GREB1: variants seen among roughly 807,000 people sequenced by gnomAD.
The protein encoded by GREB1 is growth regulating estrogen receptor binding 1, also known as protein GREB1.
GREB1 carries 106 observed loss-of-function variants against 200.7 expected under a neutral mutation model. That is an observed-to-expected ratio of 0.53 (90% CI 0.45 to 0.62). The LOEUF (loss-of-function observed/expected upper bound fraction) is 0.62, where lower values mean the gene tolerates loss of function less well. Ranked by LOEUF, GREB1 falls within the 20% of genes least tolerant of loss-of-function variation. The pLI is 0.00. For synonymous variants in GREB1, 1,132 were observed against 1,092.4 expected (o/e 1.04, Z -0.72); for missense variants, 2,243 against 2,556.8 (o/e 0.88, Z 2.65).
intron 7 of GREB1, chr2:11,581,347 C>T (rs1051219237): frequency 1.7e-5 from 5 of 301,312 alleles, no homozygotes; most frequent in Non-Finnish European, 3.1e-5. Flanking sequence ...GCTCACTAAT[C>T]GGTACCGGCT....
chr2:11,561,361 A>AAT (rs1553355671), intron 2 of GREB1: 18,329 of 110,568 alleles, frequency 0.17, 2,360 homozygotes, highest in African/African-American at 0.42. Context: ...CCTTGGGGAT[A>AAT]TTTTTTTTTT....
Position 11,629,864 on chromosome 2 carries a change from T to C in GREB1, c.4450-84T>C, listed in dbSNP as rs1377487101. 9 of 1,358,698 alleles carry C rather than the reference T, an allele frequency of 6.6e-6. No individual in the cohort carries two copies. The highest frequency in any genetic ancestry group is 9.3e-6 in the Non-Finnish European group (9 of 967,204). The allele number at this position is 1,358,698 out of a possible 1,614,324, so 84.2% of individuals were successfully genotyped here. A position where few individuals can be genotyped will look rare whatever the true frequency, so the allele number is the denominator to read the frequency against. Reference sequence around the variant, plus strand: ...GGAAGTGGTGACTGTGAGCTGCACGTTGTCACAGCAGAGTGGGCCTGGGGT... The same window carrying C: ...GGAAGTGGTGACTGTGAGCTGCACGCTGTCACAGCAGAGTGGGCCTGGGGT... On this transcript the variant is annotated intron_variant, in intron 25 of 32. Transcript: ENST00000381486. This position sits in a 1 kb window ranked among gnomAD's most constrained non-coding sequence, Gnocchi z 5.2.
At chr2:11,599,043 C>T (rs1186458552) in intron 15 of GREB1, among the ~76,000 whole-genome samples, 183 bp downstream of exon 15, 1 of 152,148 alleles carries the variant, frequency 6.6e-6, no homozygotes. Flanking sequence ...CAGGGATTAT[C>T]CAGTGTGACC....
chr2:11,618,562 C>A lies in GREB1; in HGVS notation c.3687C>A (p.Ser1229=), dbSNP rs1285166114. ...AGCTGTCCTCCTCCTCGGGCTCATC[C>A]TCCTCATCCGTGGCGCCCGCTGCCG... ...CSQLSSSSGS[S]SSSVAPAAGT... is the part of the protein sequence containing the mutation. Residue 1229 remains serine (S), a synonymous_variant, in exon 22 of 33, where the codon TCC becomes TCA. Transcript: ENST00000381486. 6.2e-7 allele frequency: 1 copy of A among 1,612,932 alleles called. No individual in the cohort carries two copies. Among genetic ancestry groups the A allele is most frequent in the African/African-American group, 1.3e-5 (1 of 75,058 alleles).
At chr2:11,494,226 G>A (rs182634921) in intron 1 of GREB1, among the ~76,000 whole-genome samples, 14 of 152,358 alleles carry the variant, frequency 9.2e-5, no homozygotes, top group Admixed American at 7.8e-4. Context: ...AGTCTGATCC[G>A]GGGGTGCCCC....
intron 17 of GREB1, among the ~76,000 whole-genome samples, chr2:11,607,846 G>A (rs1308903191): frequency 1.3e-5 from 2 of 152,008 alleles, no homozygotes; most frequent in Admixed American, 1.3e-4. Flanking sequence ...TAAAAGAATA[G>A]GAAAGGTTGA....
chr2:11,532,927 T>G (rs1405244671), upstream of GREB1, among the ~76,000 whole-genome samples: 1 of 151,684 alleles, frequency 6.6e-6, no homozygotes, highest in African/African-American at 2.4e-5. Flanking sequence ...CCAACAACCT[T>G]ATGATAGAGG....
At chr2:11,560,882 A>C (rs1676952130) in intron 2 of GREB1, among the ~76,000 whole-genome samples, 2 of 152,302 alleles carry the variant, frequency 1.3e-5, no homozygotes, top group Admixed American at 1.3e-4. Flanking sequence ...TGGCAGGACT[A>C]AATTTCAACA....
intron 18 of GREB1, 127 bp from the exon 19 acceptor site, chr2:11,612,368 T>C: frequency 7.0e-7 from 1 of 1,419,544 alleles, no homozygotes; most frequent in Non-Finnish European, 9.3e-7. Context: ...CTAAAGAAAT[T>C]TCCTTTTGGT....
Position 11,600,892 on chromosome 2 carries a change from A to G in GREB1, c.2426A>G (p.Asn809Ser). The change falls in exon 16 of 33, where the codon AAC becomes AGC. Residue 809 changes from asparagine to serine, a missense_variant. By Grantham distance (46) the Asn-to-Ser change is conservative (BLOSUM62 1). Around this residue, in one of 3 missense-constraint regions of GREB1, gnomAD observed 1,178 missense variants for 1,387.4 expected, o/e 0.85. Transcript: ENST00000381486. Reference protein sequence around the residue: ...LNCREVKEAPNIVTLHVTSFP... With the variant: ...LNCREVKEAPSIVTLHVTSFP... ...TGCAGGGAGGTGAAGGAGGCCCCCA[A>G]CATTGTGACACTTCACGTGACCTCC... 6.2e-7 allele frequency: 1 copy of G among 1,614,084 alleles called. No homozygotes were observed. The highest frequency in any genetic ancestry group is 1.3e-5 in the African/African-American group (1 of 75,028).
Position 11,618,516 on chromosome 2 carries a change from C to T in GREB1, c.3641C>T (p.Ser1214Leu), listed in dbSNP as rs200946389. 5.3e-4 allele frequency: 857 copies of T among 1,611,792 alleles called. 7 individuals are homozygous for T. The highest frequency in any genetic ancestry group is 8.3e-4 in the Middle Eastern group (5 of 6,060). The change falls in exon 22 of 33, where the codon TCG (serine) becomes TTG (leucine). Residue 1214 changes from serine (S) to leucine (L), a missense_variant. This residue lies in a region of GREB1 where 587 missense variants were observed against 553.1 expected (regional missense o/e 1.06). Transcript: ENST00000381486. Reference sequence around the variant, plus strand: ...ACCGGCCAGAGGAGCGTCCAGGTGTCGGTCACCTCGTCGTGCTCCCAGCTG... The same window carrying T: ...ACCGGCCAGAGGAGCGTCCAGGTGTTGGTCACCTCGTCGTGCTCCCAGCTG... Reference protein sequence around the residue: ...LRTGQRSVQVSVTSSCSQLSS... With the variant: ...LRTGQRSVQVLVTSSCSQLSS...
In GREB1 at chr2:11,548,276, A is replaced by T. The variant is rs927080365; in HGVS notation, c.-161-8178A>T. Among the ~76,000 whole-genome samples, 5 of 55,846 alleles carry T rather than the reference A, an allele frequency of 9.0e-5. No individual in the cohort carries two copies. In the East Asian group the frequency reaches 3.1e-3, roughly 34 times the overall value. 36.6% of individuals were successfully genotyped at this position (55,846 alleles called of 152,430 possible). A position where few individuals can be genotyped will look rare whatever the true frequency, so the allele number is the denominator to read the frequency against. Reference sequence around the variant, plus strand: ...CATATGTGCACACACATGTACAGCCAGACACATGCACACACGTGCACATAC... The same window carrying T: ...CATATGTGCACACACATGTACAGCCTGACACATGCACACACGTGCACATAC... On this transcript the variant is annotated intron_variant, in intron 1 of 32. Coordinates refer to ENST00000381486, the MANE Select transcript of GREB1 (RefSeq NM_014668.4). This position sits in a 1 kb window ranked among gnomAD's most constrained non-coding sequence, Gnocchi z 5.1.
chr2:11,618,792 C>G lies in GREB1; in HGVS notation c.3917C>G (p.Thr1306Ser), dbSNP rs1181963715. 1.2e-6 allele frequency: 2 copies of G among 1,610,894 alleles called. No homozygotes were observed. The highest frequency in any genetic ancestry group is 1.1e-5 in the South Asian group (1 of 91,066). ...RPLLSKTMTS[T>S]EQSLYYRQWT... is the part of the protein sequence containing the mutation. ...CTGCTCAGCAAGACCATGACATCCA[C>G]CGAGCAGTCCCTCTACTACCGGCAG... is the stretch of plus-strand genomic sequence containing the variant. Residue 1306 changes from threonine (T) to serine (S), a missense_variant, in exon 22 of 33, where the codon ACC (threonine) becomes AGC (serine). By Grantham distance (58) the Thr-to-Ser change is moderately conservative. Around this residue, in one of 3 missense-constraint regions of GREB1, gnomAD observed 587 missense variants for 553.1 expected, o/e 1.06. Coordinates refer to ENST00000381486, the MANE Select transcript of GREB1 (RefSeq NM_014668.4).
chr2:11,519,859 A>G (rs968391794), intron 1 of GREB1, among the ~76,000 whole-genome samples: 2 of 152,180 alleles, frequency 1.3e-5, no homozygotes, highest in Non-Finnish European at 2.9e-5. Context: ...AAATGAGGCC[A>G]AGCGTGTTGG....
chr2:11,487,284 G>A (rs7601812), intron 1 of GREB1, among the ~76,000 whole-genome samples: 73,710 of 151,988 alleles, frequency 0.48, 18,516 homozygotes, highest in East Asian at 0.68. Context: ...TTTCAGGGAC[G>A]TGAAATGAAA....
chr2:11,627,587 A>G (rs1036983137), intron 25 of GREB1, among the ~76,000 whole-genome samples: 32 of 152,254 alleles, frequency 2.1e-4, no homozygotes, highest in African/African-American at 7.2e-4. Context: ...GCATTTATTG[A>G]GCACCTACTG....
At chr2:11,559,223 C>T (rs1345125843) in intron 2 of GREB1, among the ~76,000 whole-genome samples, 1 of 152,118 alleles carries the variant, frequency 6.6e-6, no homozygotes, top group Admixed American at 6.5e-5. Flanking sequence ...GCTCCCAATC[C>T]AGTTGGTTTT....
intron 1 of GREB1, among the ~76,000 whole-genome samples, chr2:11,498,043 T>G (rs1007999579): frequency 7.7e-6 from 1 of 130,590 alleles, no homozygotes; most frequent in Non-Finnish European, 1.6e-5. Context: ...TCACCCAGGC[T>G]GGAATGCAGT....
intron 15 of GREB1, among the ~76,000 whole-genome samples, chr2:11,599,776 T>C (rs1681619893): frequency 6.6e-6 from 1 of 152,100 alleles, no homozygotes; most frequent in African/African-American, 2.4e-5. Context: ...CGCCTCGGCC[T>C]CCCAAAGTGC....
Sources: allele counts gnomAD v4.1 joint callset (sites outside exome capture counted in the v4.1 genomes callset), GRCh38; gene constraint gnomAD v4.1.1; regional missense constraint gnomAD v4.1.1; non-coding constraint Gnocchi (gnomAD v3.1); transcripts MANE v1.5; gene names NCBI Gene and HGNC (gene_info 2026-07-23, HGNC 2026-07-21).